The following ZNF45 variants were observed in gnomAD, a reference collection of about 807,000 sequenced individuals.
The protein encoded by ZNF45 is zinc finger protein 45.
ZNF45 carries 4 observed loss-of-function variants against 12.0 expected under a neutral mutation model. That is an observed-to-expected ratio of 0.33 (90% CI 0.16 to 0.76). The LOEUF is 0.76. Among genes scored for constraint, ZNF45 ranks in the 30% least tolerant of loss-of-function variants. The pLI is 0.60. For synonymous variants in ZNF45, 272 were observed against 279.6 expected (o/e 0.97, Z 0.27); for missense variants, 700 against 813.0 (o/e 0.86, Z 1.69).
chr19:43,929,633 T>C (rs1973965318), intron 3 of ZNF45, among the ~76,000 whole-genome samples: 1 of 152,220 alleles, frequency 6.6e-6, no homozygotes, highest in Admixed American at 6.5e-5. Context: ...AATCTCTCCA[T>C]GTTGTCACTC....
Position 43,914,945 on chromosome 19 carries a change from T to C in ZNF45, c.491A>G (p.Tyr164Cys), listed in dbSNP as rs748631776. The change falls in exon 10 of 10, where the codon TAC (tyrosine) becomes TGC (cysteine). Residue 164 changes from tyrosine (Y) to cysteine (C), a missense_variant. Transcript: ENST00000269973. The part of the protein sequence containing the change: ...VHRVHTGEKP[Y>C]KGEHCVKSFS... The stretch of plus-strand genomic sequence containing the variant: ...ACTTTTCACACAATGTTCTCCTTTG[T>C]AGGGTTTTTCACCAGTGTGGACTCT... 3.7e-6 allele frequency: 6 copies of C among 1,611,812 alleles called. No homozygotes were observed. In the South Asian group the frequency reaches 5.5e-5, roughly 15 times the overall value.
chr19:43,932,907 A>G (rs575764025), intron 2 of ZNF45, among the ~76,000 whole-genome samples: 1 of 152,150 alleles, frequency 6.6e-6, no homozygotes, highest in Non-Finnish European at 1.5e-5. Flanking sequence ...TCAAAACGTT[A>G]AAGTCCTAAC....
intron 2 of ZNF45, among the ~76,000 whole-genome samples, 165 bp from the exon 3 acceptor site, chr19:43,932,855 T>TCC (rs1974240900): frequency 6.6e-6 from 1 of 152,188 alleles, no homozygotes; most frequent in Admixed American, 6.5e-5. Flanking sequence ...ACCTCAGAGT[T>TCC]ACTGTTAATA....
chr19:43,914,765 G>C lies in ZNF45; in HGVS notation c.671C>G (p.Ala224Gly), dbSNP rs750725663. Residue 224 changes from alanine to glycine, a missense_variant, in exon 10 of 10, where the codon GCA becomes GGA. Physicochemically the swap from Ala to Gly is moderately conservative, Grantham distance 60. Transcript: ENST00000269973. ...CCTCTGACTAAAACTCCTGTAACTT[G>C]CATCATTTGTGTATGATTTTGCTCT... ...HSRAKSYTND[A>G]SYRSFSQRSH... The C allele has an allele frequency of 2.5e-6, 4 of 1,614,054 alleles. No homozygotes were observed. Among genetic ancestry groups the C allele is most frequent in the Non-Finnish European group, 3.4e-6 (4 of 1,180,032 alleles).
At position 43,914,417 on chromosome 19, in the gene ZNF45, C is replaced by G; in HGVS notation, c.1019G>C (p.Ser340Thr). Residue 340 changes from serine (S) to threonine (T), a missense_variant, in exon 10 of 10, where the codon AGC becomes ACC. Physicochemically the swap from Ser to Thr is moderately conservative, Grantham distance 58 (BLOSUM62 1). Transcript: ENST00000269973. ...KPYKCNACGKSFSYSSHLNIH... is the reference protein window; with the variant it reads ...KPYKCNACGKTFSYSSHLNIH... ...ATTAAGGTGTGAGCTGTAACTAAAG[C>G]TCTTGCCACATGCATTGCATTTGTA... 1 of 1,608,720 alleles carries G rather than the reference C, an allele frequency of 6.2e-7. No individual in the cohort carries two copies. The highest frequency in any genetic ancestry group is 1.1e-5 in the South Asian group (1 of 90,466).
chr19:43,923,229 T>C (rs537094381), intron 6 of ZNF45, among the ~76,000 whole-genome samples: 47 of 152,308 alleles, frequency 3.1e-4, no homozygotes, highest in Non-Finnish European at 5.6e-4. Context: ...AATTTGAGGC[T>C]TTTGCAATAG....
chr19:43,913,939 G>A lies in ZNF45; in HGVS notation c.1497C>T (p.Pro499=), dbSNP rs1972417138. The change falls in exon 10 of 10, where the codon CCC becomes CCT. Residue 499 remains proline (P), a synonymous_variant. Transcript: ENST00000269973. The part of the protein sequence containing the change: ...VHCRIHTGEK[P]YKCERCGKAF... ...CCTTACCACACCTCTCGCATTTATA[G>A]GGTTTCTCTCCTGTGTGGATTCTAC... The A allele has an allele frequency of 6.3e-7, 1 of 1,597,790 alleles. No homozygotes were observed. The highest frequency in any genetic ancestry group is 1.4e-5 in the African/African-American group (1 of 73,312).
chr19:43,916,714 G>C (rs899053126), intron 9 of ZNF45, among the ~76,000 whole-genome samples: 2 of 152,134 alleles, frequency 1.3e-5, no homozygotes, highest in African/African-American at 4.8e-5. Context: ...GGGAGACTTT[G>C]AGCCAAATTA....
chr19:43,925,195 T>C (rs545557761), intron 4 of ZNF45, 130 bp downstream of exon 4: 8 of 152,314 alleles, frequency 5.3e-5, no homozygotes, highest in African/African-American at 1.2e-4. Context: ...TCATTAGACA[T>C]TGGATTTGCC....
intron 8 of ZNF45, 126 bp downstream of exon 8, chr19:43,919,447 A>C (rs1365960614): frequency 1.3e-5 from 16 of 1,199,406 alleles, no homozygotes; most frequent in South Asian, 1.6e-5. Flanking sequence ...TAAAAATTCC[A>C]TATCTGTCTT....
At position 43,915,042 on chromosome 19, in the gene ZNF45, A is replaced by G. The variant is rs1359264993; in HGVS notation, c.394T>C (p.Leu132=). The part of the protein sequence containing the change: ...VVNIQRTGCQ[L]EKRDDLHYKD... ...TAGTGCAAATCATCTCGTTTTTCCA[A>G]CTGGCAGCCTGTTCTTTGAATATTT... The change falls in exon 10 of 10, where the codon TTG becomes CTG. Residue 132 remains leucine, a synonymous_variant. Coordinates refer to ENST00000269973, the MANE Select transcript of ZNF45 (RefSeq NM_003425.4). 1 of 1,610,410 alleles carries G rather than the reference A, an allele frequency of 6.2e-7. No individual in the cohort carries two copies. The highest frequency in any genetic ancestry group is 8.5e-7 in the Non-Finnish European group (1 of 1,178,582).
chr19:43,919,136 A>T (rs1343941695), intron 8 of ZNF45, among the ~76,000 whole-genome samples, 174 bp from the exon 9 acceptor site: 3 of 152,246 alleles, frequency 2.0e-5, no homozygotes, highest in Non-Finnish European at 4.4e-5. Context: ...ATATGCAGAT[A>T]TAAGTATAAA....
chr19:43,934,222 T>C (rs1420410107), intron 2 of ZNF45, among the ~76,000 whole-genome samples: 1 of 152,152 alleles, frequency 6.6e-6, no homozygotes. Context: ...CATATCACAA[T>C]ACCCACATCA....
rs1254561599 is a variant in ZNF45, at chr19:43,934,437, C to T, written c.-498G>A. The T allele has an allele frequency of 6.6e-6, 1 of 152,214 alleles. No individual in the cohort carries two copies. The highest frequency in any genetic ancestry group is 1.5e-5 in the Non-Finnish European group (1 of 68,044). The allele number at this position is 152,214 out of a possible 1,614,324, so 9.4% of individuals were successfully genotyped here. A position where few individuals can be genotyped will look rare whatever the true frequency, so the allele number is the denominator to read the frequency against. ...AAGGAATGAAATACCTTCTCGCACT[C>T]GGAACAGAAGAGGAAGGTGAATGCT... On this transcript the variant is annotated 5_prime_UTR_variant, in exon 2 of 10. Transcript: ENST00000269973.
At chr19:43,918,262 C>G (rs1488928474) in intron 9 of ZNF45, among the ~76,000 whole-genome samples, 7 of 152,158 alleles carry the variant, frequency 4.6e-5, no homozygotes, top group Non-Finnish European at 8.8e-5. Context: ...GAGCAAGATT[C>G]ACTATTAACA....
rs1295599028 is a variant in ZNF45, at chr19:43,919,766, A to C, written c.16-67T>G. The C allele has an allele frequency of 2.6e-6, 4 of 1,555,832 alleles. No individual in the cohort carries two copies. In the African/African-American group the frequency reaches 5.5e-5, roughly 21 times the overall value. On this transcript the variant is annotated intron_variant, in intron 7 of 9. Transcript: ENST00000269973. ...GTCCACTGGAAAAGGGATAGCACTG[A>C]GAAATGTGAAAAAGATGTGTAGGGA...
rs917733870 is a variant in ZNF45 at position 43,915,012 on chromosome 19, C to A, written c.424G>T (p.Asp142Tyr). The A allele has an allele frequency of 1.9e-6, 3 of 1,610,036 alleles. No individual in the cohort carries two copies. Among genetic ancestry groups the A allele is most frequent in the Non-Finnish European group, 1.7e-6 (2 of 1,177,714 alleles). ...LEKRDDLHYK[D>Y]EGFSNQSSHL... Reference sequence around the variant, plus strand: ...GAACTCTGATTACTGAATCCCTCATCTTTATAGTGCAAATCATCTCGTTTT... The same window carrying A: ...GAACTCTGATTACTGAATCCCTCATATTTATAGTGCAAATCATCTCGTTTT... Residue 142 changes from aspartate (D) to tyrosine (Y), a missense_variant, in exon 10 of 10, where the codon GAT becomes TAT. Asp to Tyr is a radical substitution (Grantham distance 160). Coordinates refer to ENST00000269973, the MANE Select transcript of ZNF45 (RefSeq NM_003425.4).
In ZNF45 at chr19:43,914,426, C is replaced by T. The variant is rs1282976081; in HGVS notation, c.1010G>A (p.Cys337Tyr). Residue 337 changes from cysteine (C) to tyrosine (Y), a missense_variant, in exon 10 of 10, where the codon TGT (cysteine) becomes TAT (tyrosine). Transcript: ENST00000269973. ...TGAGCTGTAACTAAAGCTCTTGCCA[C>T]ATGCATTGCATTTGTATGGTTTCTC... ...TGEKPYKCNA[C>Y]GKSFSYSSHL... 1.2e-6 allele frequency: 2 copies of T among 1,608,802 alleles called. No homozygotes were observed. Among genetic ancestry groups the T allele is most frequent in the Non-Finnish European group, 1.7e-6 (2 of 1,176,788 alleles).
At chr19:43,925,670 G>A (rs757002408) in intron 3 of ZNF45, among the ~76,000 whole-genome samples, 1 of 152,178 alleles carries the variant, frequency 6.6e-6, no homozygotes, top group Non-Finnish European at 1.5e-5. Flanking sequence ...GGCCCAGGCT[G>A]GAGTGCAGTG....
Sources: gnomAD v4.1 joint callset for allele counts (sites outside exome capture counted in the v4.1 genomes callset) on GRCh38, gnomAD v4.1.1 for gene constraint, MANE v1.5 for transcripts, NCBI Gene and HGNC (gene_info 2026-07-23, HGNC 2026-07-21) for gene names.